Variants in MCPH1 observed in about 807,000 individuals in gnomAD.
The protein encoded by MCPH1 is microcephalin.
Under a neutral mutation model 84.5 loss-of-function variants are expected in MCPH1, and 104 were observed. The ratio of observed to expected loss-of-function variants is 1.23; its 90% CI spans 1.05 to 1.45. The LOEUF (loss-of-function observed/expected upper bound fraction) is 1.45. Among genes scored for constraint, MCPH1 ranks in the 40% most tolerant of loss-of-function variants. The pLI is 0.00. For synonymous variants in MCPH1, 514 were observed against 366.8 expected (o/e 1.40, Z -4.58); for missense variants, 1,498 against 1,005.7 (o/e 1.49, Z -6.62).
intron 12 of MCPH1, among the ~76,000 whole-genome samples, chr8:6,586,910 T>C (rs947744219): frequency 6.6e-5 from 10 of 152,206 alleles, no homozygotes; most frequent in African/African-American, 2.2e-4. Context: ...TTCCCTGTGC[T>C]GCTTCCTTTC....
chr8:6,626,906 G>A, intron 13 of MCPH1: 2 of 984,282 alleles, frequency 2.0e-6, no homozygotes, highest in African/African-American at 1.8e-5. Flanking sequence ...CCCTTTTATT[G>A]TCTGGGCTCC....
intron 12 of MCPH1, among the ~76,000 whole-genome samples, chr8:6,610,077 G>A (rs564618403): frequency 6.6e-6 from 1 of 152,308 alleles, no homozygotes; most frequent in East Asian, 1.9e-4. Context: ...AGAGCCGTAA[G>A]GACCCTCTAA....
chr8:6,421,609 A>G (rs140994889), intron 3 of MCPH1, among the ~76,000 whole-genome samples: 20 of 152,286 alleles, frequency 1.3e-4, no homozygotes, highest in Non-Finnish European at 2.2e-4. Context: ...CAATTTTAGT[A>G]TCCATAAATA....
At chr8:6,599,580 C>G (rs747697347) in intron 12 of MCPH1, among the ~76,000 whole-genome samples, 1 of 152,218 alleles carries the variant, frequency 6.6e-6, no homozygotes, top group African/African-American at 2.4e-5. Context: ...AAAGGAAACA[C>G]AACTTGTTTG....
At chr8:6,485,012 T>C (rs910048788) in intron 11 of MCPH1, among the ~76,000 whole-genome samples, 7 of 152,328 alleles carry the variant, frequency 4.6e-5, no homozygotes, top group South Asian at 2.1e-4. Flanking sequence ...GTAAATCTTA[T>C]TGTTTCTAAA....
chr8:6,413,341 G>A (rs973076442), intron 2 of MCPH1, among the ~76,000 whole-genome samples: 4 of 150,980 alleles, frequency 2.6e-5, no homozygotes, highest in East Asian at 3.9e-4. Flanking sequence ...TTTCCCTTTC[G>A]CCAACCATGC....
chr8:6,555,171 A>G (rs1563119354), intron 12 of MCPH1, among the ~76,000 whole-genome samples: 1 of 152,122 alleles, frequency 6.6e-6, no homozygotes, highest in Non-Finnish European at 1.5e-5. Flanking sequence ...CTTTTTAAGC[A>G]TTAACATAAT....
At chr8:6,554,082 C>T (rs1824158027) in intron 12 of MCPH1, among the ~76,000 whole-genome samples, 1 of 150,290 alleles carries the variant, frequency 6.7e-6, no homozygotes, top group African/African-American at 2.5e-5. Flanking sequence ...TCCTGAAATA[C>T]TGAGTACTTC....
chr8:6,555,389 G>A (rs924428401), intron 12 of MCPH1, among the ~76,000 whole-genome samples: 4 of 151,970 alleles, frequency 2.6e-5, no homozygotes, highest in East Asian at 1.9e-4. Context: ...GTAACTAGAT[G>A]TATGGTTTGT....
chr8:6,471,139 C>T (rs937062491), intron 9 of MCPH1, among the ~76,000 whole-genome samples: 1 of 152,170 alleles, frequency 6.6e-6, no homozygotes, highest in African/African-American at 2.4e-5. Context: ...AGTGACCTTC[C>T]TTGCTCACCT....
chr8:6,544,267 C>T (rs903593989), intron 12 of MCPH1, among the ~76,000 whole-genome samples: 3 of 152,174 alleles, frequency 2.0e-5, no homozygotes, highest in African/African-American at 7.2e-5. Context: ...ACCCCATAAA[C>T]ACGTTCTACT....
At chr8:6,412,230 G>C (rs1798640094) in intron 2 of MCPH1, among the ~76,000 whole-genome samples, 1 of 152,190 alleles carries the variant, frequency 6.6e-6, no homozygotes, top group African/African-American at 2.4e-5. Flanking sequence ...CTGGAATGTA[G>C]GAACCCGAGG....
At chr8:6,559,986 G>C (rs1028100863) in intron 12 of MCPH1, among the ~76,000 whole-genome samples, 3 of 152,202 alleles carry the variant, frequency 2.0e-5, no homozygotes, top group African/African-American at 4.8e-5. Context: ...AAGGGGCAGC[G>C]TGGGACCTTT....
At chr8:6,505,175 AATAT>A (rs3045054) in intron 12 of MCPH1, among the ~76,000 whole-genome samples, 2 of 95,784 alleles carry the variant, frequency 2.1e-5, no homozygotes, top group Non-Finnish European at 4.1e-5. Flanking sequence ...TATGCCAAAG[AATAT>A]ATATATATAT....
At chr8:6,425,379 T>G (rs1800906691) in intron 3 of MCPH1, among the ~76,000 whole-genome samples, 1 of 152,246 alleles carries the variant, frequency 6.6e-6, no homozygotes, top group African/African-American at 2.4e-5. Flanking sequence ...CAGTAGATTT[T>G]GGTTGGACCC....
At chr8:6,433,861 C>A (rs578128059) in intron 4 of MCPH1, among the ~76,000 whole-genome samples, 4 of 152,114 alleles carry the variant, frequency 2.6e-5, no homozygotes, top group Non-Finnish European at 4.4e-5. Flanking sequence ...TGGTTCTGTG[C>A]CTCTGTCTCC....
chr8:6,528,564 G>C (rs1818817546), intron 12 of MCPH1, among the ~76,000 whole-genome samples: 1 of 152,244 alleles, frequency 6.6e-6, no homozygotes, highest in Admixed American at 6.5e-5. Flanking sequence ...TATAGCGTGA[G>C]TGTGAAGCGG....
intron 13 of MCPH1, among the ~76,000 whole-genome samples, chr8:6,632,027 T>A (rs577034687): frequency 6.6e-6 from 1 of 152,360 alleles, no homozygotes; most frequent in East Asian, 1.9e-4. Flanking sequence ...TTCTGATACA[T>A]GTAACACTGT....
chr8:6,602,406 G>A (rs943483169), intron 12 of MCPH1, among the ~76,000 whole-genome samples: 5 of 152,062 alleles, frequency 3.3e-5, no homozygotes, highest in Admixed American at 6.5e-5. Flanking sequence ...AGAGGTGTCC[G>A]CAGGACACCT....
Sources: allele counts gnomAD v4.1 joint callset (sites outside exome capture counted in the v4.1 genomes callset), GRCh38; gene constraint gnomAD v4.1.1; transcripts MANE v1.5; gene names NCBI Gene and HGNC (gene_info 2026-07-23, HGNC 2026-07-21).